The following SLC6A13 variants were observed in gnomAD, a reference collection of about 807,000 sequenced individuals.
SLC6A13 encodes the protein solute carrier family 6 member 13, also known as sodium- and chloride-dependent GABA transporter 2.
SLC6A13 carries 69 observed loss-of-function variants against 72.9 expected under a neutral mutation model. The ratio of observed to expected loss-of-function variants is 0.95; its 90% CI spans 0.78 to 1.16. The LOEUF is 1.16. SLC6A13 is among the 50% of genes most tolerant of loss of function. SLC6A13 has a pLI of 0.00. For missense variants in SLC6A13, 735 were observed against 760.5 expected, an observed-to-expected ratio of 0.97 and a Z score of 0.39; for synonymous variants, 303 against 303.0, an observed-to-expected ratio of 1.00 and a Z score of 0.00.
At position 223,114 on chromosome 12, in the gene SLC6A13, AG is replaced by A; in HGVS notation, c.1414+17del. 6.7e-7 allele frequency: 1 copy of A among 1,498,286 alleles called. No individual in the cohort carries two copies. The highest frequency in any genetic ancestry group is 9.3e-7 in the Non-Finnish European group (1 of 1,075,136). 92.8% of individuals were successfully genotyped at this position (1,498,286 alleles called of 1,614,324 possible). ...AGACAAGAGGAGGATGCTGGGACCT[AG>A]GGGAGGAGTCACTCACCGTAAACCC... On this transcript the variant is annotated intron_variant, in intron 12 of 14. Transcript: ENST00000343164.
intron 7 of SLC6A13, among the ~76,000 whole-genome samples, chr12:233,511 G>A (rs12830750): frequency 0.078 from 11,931 of 152,256 alleles, 553 homozygotes; most frequent in Middle Eastern, 0.099. Flanking sequence ...ACAACTGACA[G>A]GGAAACTTAA....
chr12:240,902 G>A (rs145868821), intron 4 of SLC6A13, among the ~76,000 whole-genome samples: 11 of 152,366 alleles, frequency 7.2e-5, no homozygotes, highest in African/African-American at 2.6e-4. Context: ...TGGTGACACA[G>A]ACAGGAGTCA....
At chr12:233,430 A>T (rs1941797715) in intron 7 of SLC6A13, among the ~76,000 whole-genome samples, 1 of 152,132 alleles carries the variant, frequency 6.6e-6, no homozygotes, top group African/African-American at 2.4e-5. Context: ...CCCGGACGGT[A>T]AAAAAGCCCG....
In SLC6A13 at chr12:237,877, C is replaced by A. The variant is rs375759054; in HGVS notation, c.563+49G>T. 1.3e-5 allele frequency: 18 copies of A among 1,383,196 alleles called. No individual in the cohort carries two copies. In the African/African-American group the frequency reaches 1.6e-4, roughly 12 times the overall value. 85.7% of individuals were successfully genotyped at this position (1,383,196 alleles called of 1,614,324 possible). A position where few individuals can be genotyped will look rare whatever the true frequency, so the allele number is the denominator to read the frequency against. ...CTTGGTGTGTACTCCTCCCCATACC[C>A]TTCTTCTGAACACACGGCCCACAGT... On this transcript the variant is annotated intron_variant, in intron 5 of 14. Coordinates refer to ENST00000343164, the MANE Select transcript of SLC6A13 (RefSeq NM_016615.5).
intron 4 of SLC6A13, among the ~76,000 whole-genome samples, chr12:238,708 G>A (rs1459909718): frequency 2.0e-5 from 3 of 152,108 alleles, no homozygotes; most frequent in African/African-American, 4.8e-5. Context: ...TGAAGACGGT[G>A]GATCTTCTTA....
rs560850573 is a variant in SLC6A13, at chr12:244,428, C to T, written c.203-615G>A. On this transcript the variant is annotated intron_variant, in intron 2 of 14. Transcript: ENST00000343164. ...TTTGGGCCAGGCACAGTGGCTCACG[C>T]CTGTAATCCCAGCACTTTGGGAGGC... is the stretch of plus-strand genomic sequence containing the variant. Among the ~76,000 whole-genome samples, 4 of 152,296 alleles carry T rather than the reference C, an allele frequency of 2.6e-5. No homozygotes were observed. In the East Asian group the frequency reaches 7.7e-4, roughly 29 times the overall value.
At position 221,528 on chromosome 12, in the gene SLC6A13, G is replaced by A; in HGVS notation, c.1534C>T (p.Leu512=). ...TAGGTCAGCGGAGTGTACTTTATCA[G>A]GGAGAAGAGAAAGGTGGCCTGAGGG... ...AVCTATFLFS[L]IKYTPLTYNK... The change falls in exon 14 of 15, where the codon CTG becomes TTG. Residue 512 remains leucine, a synonymous_variant. Transcript: ENST00000343164. The A allele has an allele frequency of 6.3e-7, 1 of 1,599,942 alleles. No individual in the cohort carries two copies.
intron 9 of SLC6A13, among the ~76,000 whole-genome samples, chr12:226,070 GTA>G (rs1941437773): frequency 6.6e-6 from 1 of 152,244 alleles, no homozygotes; most frequent in Admixed American, 6.5e-5. Flanking sequence ...TGTATTGCAT[GTA>G]TATGTCTGTA....
chr12:225,542 C>T (rs1044386542), intron 9 of SLC6A13, among the ~76,000 whole-genome samples: 1 of 151,962 alleles, frequency 6.6e-6, no homozygotes, highest in Non-Finnish European at 1.5e-5. Context: ...CTCAGCTACT[C>T]GGGAAGCTGA....
chr12:234,138 G>T (rs2137277366), intron 7 of SLC6A13, among the ~76,000 whole-genome samples: 1 of 152,282 alleles, frequency 6.6e-6, no homozygotes, highest in South Asian at 2.1e-4. Flanking sequence ...CGGCAGGATG[G>T]TCTCTGCGCC....
chr12:223,676 G>A, intron 11 of SLC6A13: 1 of 375,710 alleles, frequency 2.7e-6, no homozygotes, highest in Non-Finnish European at 4.9e-6. Flanking sequence ...ATAGAACTTG[G>A]TTCAGCTGCC....
chr12:241,633 G>GTAAA (rs1228112987), intron 4 of SLC6A13, among the ~76,000 whole-genome samples: 2 of 152,218 alleles, frequency 1.3e-5, no homozygotes, highest in Non-Finnish European at 2.9e-5. Flanking sequence ...CCCGTGAAAG[G>GTAAA]TAAATAAATA....
At chr12:242,010 T>C (rs772649586) in intron 4 of SLC6A13, among the ~76,000 whole-genome samples, 2 of 152,256 alleles carry the variant, frequency 1.3e-5, no homozygotes, top group African/African-American at 4.8e-5. Context: ...CACAGTATTA[T>C]AGCAGACGGC....
At chr12:231,560 G>A (rs775991891) in intron 7 of SLC6A13, among the ~76,000 whole-genome samples, 13 of 152,124 alleles carry the variant, frequency 8.5e-5, no homozygotes, top group Non-Finnish European at 4.4e-5. Context: ...AGAGAAGAAG[G>A]CTGCTCAGGA....
intron 7 of SLC6A13, among the ~76,000 whole-genome samples, chr12:231,278 A>C (rs955308570): frequency 1.3e-5 from 2 of 152,206 alleles, no homozygotes; most frequent in African/African-American, 4.8e-5. Context: ...GAAAAAGGGG[A>C]GCAAACGAGA....
rs1941611429 is a variant in SLC6A13 at position 229,385 on chromosome 12, T to C, written c.832-1717A>G. On this transcript the variant is annotated intron_variant, in intron 7 of 14. Coordinates refer to ENST00000343164, the MANE Select transcript of SLC6A13 (RefSeq NM_016615.5). ...TCAAGATGTTCTAAATCCTTTTTTC[T>C]CTTCTAAAACTCTGCCACACAGCTC... is the stretch of plus-strand genomic sequence containing the variant. Among the ~76,000 whole-genome samples the C allele has an allele frequency of 2.0e-5, 3 of 152,342 alleles. No individual in the cohort carries two copies. The South Asian group carries it at 6.2e-4, about 32-fold the overall frequency.
intron 7 of SLC6A13, 55 bp from the exon 8 acceptor site, chr12:227,723 G>A (rs1422915587): frequency 2.7e-6 from 4 of 1,459,428 alleles, no homozygotes; most frequent in Admixed American, 1.9e-5. Context: ...GGCCATTCAA[G>A]CCATGGGCGG....
chr12:255,529 C>G (rs1942710144), intron 2 of SLC6A13, among the ~76,000 whole-genome samples: 1 of 152,246 alleles, frequency 6.6e-6, no homozygotes, highest in South Asian at 2.1e-4. Flanking sequence ...AACCTCGTCT[C>G]AACTAAAAAT....
In SLC6A13 at chr12:221,551, G is replaced by T. The variant is rs1314805942; in HGVS notation, c.1516-5C>A. On this transcript the variant is annotated splice_polypyrimidine_tract_variant and splice_region_variant and intron_variant, in intron 13 of 14. Coordinates refer to ENST00000343164, the MANE Select transcript of SLC6A13 (RefSeq NM_016615.5). Reference sequence around the variant, plus strand: ...CAGGGAGAAGAGAAAGGTGGCCTGAGGGGGAGAGCAGAAGAGAAAGGGGTT... The same window carrying T: ...CAGGGAGAAGAGAAAGGTGGCCTGATGGGGAGAGCAGAAGAGAAAGGGGTT... The T allele has an allele frequency of 1.3e-6, 2 of 1,576,288 alleles. No individual in the cohort carries two copies. Among genetic ancestry groups the T allele is most frequent in the South Asian group, 2.3e-5 (2 of 86,152 alleles).
Sources: allele counts gnomAD v4.1 joint callset (sites outside exome capture counted in the v4.1 genomes callset), GRCh38; gene constraint gnomAD v4.1.1; transcripts MANE v1.5; gene names NCBI Gene and HGNC (gene_info 2026-07-23, HGNC 2026-07-21).